BTBD3: variants seen among roughly 807,000 people sequenced by gnomAD.
The protein encoded by BTBD3 is BTB/POZ domain-containing protein 3.
Under a neutral mutation model 41.6 loss-of-function variants are expected in BTBD3, and 14 were observed. That is an observed-to-expected ratio of 0.34 (90% CI 0.22 to 0.53). The LOEUF (loss-of-function observed/expected upper bound fraction) is 0.53. BTBD3 is among the 20% of genes least tolerant of loss of function. BTBD3 has a pLI of 0.95. For synonymous variants in BTBD3, 249 were observed against 233.7 expected (o/e 1.07, Z -0.60); for missense variants, 426 against 654.7 (o/e 0.65, Z 3.81).
chr20:11,915,774 G>A (rs950640678), upstream of BTBD3, among the ~76,000 whole-genome samples: 1 of 152,032 alleles, frequency 6.6e-6, no homozygotes, highest in South Asian at 2.1e-4. Flanking sequence ...CAGATTTAGC[G>A]CTACTTCATT....
At chr20:11,900,847 A>G (rs2056819919) in intron 1 of BTBD3, among the ~76,000 whole-genome samples, 1 of 151,500 alleles carries the variant, frequency 6.6e-6, no homozygotes, top group South Asian at 2.1e-4. Context: ...AGCTGGGACT[A>G]TAGGTGCCCG....
intron 1 of BTBD3, among the ~76,000 whole-genome samples, chr20:11,907,706 T>C (rs1037516222): frequency 8.5e-5 from 13 of 152,138 alleles, no homozygotes; most frequent in Admixed American, 7.2e-4. Flanking sequence ...GGGTAGGCTT[T>C]TTATACGTAG....
intron 1 of BTBD3, among the ~76,000 whole-genome samples, chr20:11,902,472 G>T (rs1430853521): frequency 2.0e-5 from 3 of 152,148 alleles, no homozygotes; most frequent in Non-Finnish European, 4.4e-5. Flanking sequence ...GTCTCATGAT[G>T]TTATTCGTGG....
chr20:11,921,507 AAG>A (rs1440242131), intron 3 of BTBD3: 1 of 152,152 alleles, frequency 6.6e-6, no homozygotes, highest in African/African-American at 2.4e-5. Context: ...GTTCCAGGGT[AAG>A]AGCTCGAAAG....
rs756795576 is a variant in BTBD3, at chr20:11,918,470, T to C, written c.195T>C (p.Asp65=). The part of the protein sequence containing the change: ...LKTKKKKMAA[D]IFPRKKPANS... ...CTAAAAAGAAGAAGATGGCTGCTGA[T>C]ATATTCCCCCGTAAAAAGCCAGCCA... The change falls in exon 1 of 4, where the codon GAT becomes GAC. Residue 65 remains aspartate, a synonymous_variant. Coordinates refer to ENST00000378226, the MANE Select transcript of BTBD3 (RefSeq NM_014962.4). The C allele has an allele frequency of 6.2e-7, 1 of 1,614,016 alleles. No homozygotes were observed. Among genetic ancestry groups the C allele is most frequent in the Non-Finnish European group, 8.5e-7 (1 of 1,180,010 alleles).
intron 1 of BTBD3, among the ~76,000 whole-genome samples, chr20:11,904,298 G>C (rs780993486): frequency 6.6e-6 from 1 of 152,162 alleles, no homozygotes; most frequent in Non-Finnish European, 1.5e-5. Flanking sequence ...TGGCAGGAGA[G>C]AGCAAGCAAA....
chr20:11,909,227 T>C (rs2056874880), intron 1 of BTBD3, among the ~76,000 whole-genome samples: 1 of 151,396 alleles, frequency 6.6e-6, no homozygotes, highest in Admixed American at 6.6e-5. Context: ...TGAGCTGAGA[T>C]TGTGCCATTG....
intron 1 of BTBD3, among the ~76,000 whole-genome samples, chr20:11,909,131 C>T (rs929219489): frequency 4.6e-5 from 7 of 151,810 alleles, no homozygotes; most frequent in Non-Finnish European, 8.8e-5. Flanking sequence ...AAACTTAGCC[C>T]GGTGTGGTGG....
chr20:11,905,306 G>A (rs894345478), intron 1 of BTBD3, among the ~76,000 whole-genome samples: 4 of 152,034 alleles, frequency 2.6e-5, no homozygotes, highest in Admixed American at 6.5e-5. Flanking sequence ...AAAGCTGCTG[G>A]TTTGACTTGT....
chr20:11,904,385 A>G (rs961267071), intron 1 of BTBD3, among the ~76,000 whole-genome samples: 1 of 152,214 alleles, frequency 6.6e-6, no homozygotes, highest in Non-Finnish European at 1.5e-5. Flanking sequence ...ATCCACCCCT[A>G]TGATCCAGTC....
intron 3 of BTBD3, 51 bp from the exon 4 acceptor site, chr20:11,922,583 G>T (rs1449439897): frequency 2.6e-6 from 4 of 1,511,676 alleles, no homozygotes; most frequent in South Asian, 1.3e-5. Context: ...TTTCTTGCTG[G>T]ATGTACTCAT....
intron 1 of BTBD3, among the ~76,000 whole-genome samples, chr20:11,896,730 T>C (rs988818752): frequency 6.6e-6 from 1 of 152,250 alleles, no homozygotes; most frequent in African/African-American, 2.4e-5. Context: ...CATCTGCAGT[T>C]TATCTGCTGG....
In BTBD3 at chr20:11,923,878, C is replaced by G; in HGVS notation, c.*212C>G. 1 of 510,378 alleles carries G rather than the reference C, an allele frequency of 2.0e-6. No homozygotes were observed. Among genetic ancestry groups the G allele is most frequent in the South Asian group, 3.4e-5 (1 of 29,798 alleles). 31.6% of individuals were successfully genotyped at this position (510,378 alleles called of 1,614,324 possible). On this transcript the variant is annotated 3_prime_UTR_variant, in exon 4 of 4. Coordinates refer to ENST00000378226, the MANE Select transcript of BTBD3 (RefSeq NM_014962.4). This position sits in a 1 kb window ranked among gnomAD's most constrained non-coding sequence, Gnocchi z 5.3. ...CTATCTGCTTAAAAGAGCTAACGTTCTTATTAAGGCTTTGTGGTTTTTAGA... is the reference window on the plus strand; with the variant it reads ...CTATCTGCTTAAAAGAGCTAACGTTGTTATTAAGGCTTTGTGGTTTTTAGA...
chr20:11,890,921 G>A lies in BTBD3; in HGVS notation c.-159G>A, dbSNP rs916486141. 22 of 984,784 alleles carry A rather than the reference G, an allele frequency of 2.2e-5. No homozygotes were observed. The African/African-American group carries it at 3.7e-4, about 16-fold the overall frequency. 61.0% of individuals were successfully genotyped at this position (984,784 alleles called of 1,614,324 possible). A position where few individuals can be genotyped will look rare whatever the true frequency, so the allele number is the denominator to read the frequency against. On this transcript the variant is annotated 5_prime_UTR_variant, in exon 1 of 5. Transcript: ENST00000254977. Reference sequence around the variant, plus strand: ...CGGGCACAGGGCAAGGCGGCGGACGGCTGCGTCGCCCGAGGCGAGGAGGAG... The same window carrying A: ...CGGGCACAGGGCAAGGCGGCGGACGACTGCGTCGCCCGAGGCGAGGAGGAG...
intron 1 of BTBD3, among the ~76,000 whole-genome samples, chr20:11,904,968 G>C (rs113503772): frequency 0.011 from 1,650 of 152,298 alleles, 31 homozygotes; most frequent in Admixed American, 0.051. Flanking sequence ...ATTAGAAAAG[G>C]TTGGTTCACT....
chr20:11,904,245 TC>T (rs1449468755), intron 1 of BTBD3, among the ~76,000 whole-genome samples: 2 of 152,088 alleles, frequency 1.3e-5, no homozygotes, highest in African/African-American at 4.8e-5. Flanking sequence ...AAACATAGAA[TC>T]ATGGCAGAAA....
intron 1 of BTBD3, among the ~76,000 whole-genome samples, chr20:11,911,363 G>T (rs1253196935): frequency 6.6e-6 from 1 of 152,134 alleles, no homozygotes; most frequent in Non-Finnish European, 1.5e-5. Flanking sequence ...ACTATTTCTG[G>T]CAAATATTAT....
upstream of BTBD3, chr20:11,913,524 G>A (rs2056901514): frequency 6.6e-6 from 1 of 152,142 alleles, no homozygotes; most frequent in Admixed American, 6.5e-5. Context: ...CATTCTGTAA[G>A]TGTGTGAGGT....
chr20:11,921,853 C>T (rs773281667), intron 3 of BTBD3, among the ~76,000 whole-genome samples: 40 of 152,182 alleles, frequency 2.6e-4, no homozygotes, highest in Non-Finnish European at 4.7e-4. Flanking sequence ...ACTACCTTTA[C>T]GTGCCTCTTT....
Sources: allele counts gnomAD v4.1 joint callset (sites outside exome capture counted in the v4.1 genomes callset), GRCh38; gene constraint gnomAD v4.1.1; non-coding constraint Gnocchi (gnomAD v3.1); transcripts MANE v1.5; gene names NCBI Gene and HGNC (gene_info 2026-07-23, HGNC 2026-07-21).